MYH16: variants seen among roughly 807,000 people sequenced by gnomAD.
MYH16 encodes the protein myosin heavy chain 16.
At chr7:99,289,755 C>T (rs767023130) in intron 30 of MYH16, among the ~76,000 whole-genome samples, 60 of 152,116 alleles carry the variant, frequency 3.9e-4, no homozygotes, top group Non-Finnish European at 7.8e-4. Context: ...AATGAGGGAG[C>T]CAGAAAAATG....
chr7:99,310,909 C>T (rs1254459895), downstream of MYH16: 2 of 152,104 alleles, frequency 1.3e-5, no homozygotes, highest in African/African-American at 2.4e-5. Flanking sequence ...ATGTAAAACC[C>T]GCCATTAGAG....
At chr7:99,242,058 G>A (rs1205064260) in intron 1 of MYH16, among the ~76,000 whole-genome samples, 6 of 152,006 alleles carry the variant, frequency 3.9e-5, no homozygotes, top group East Asian at 1.9e-4. Flanking sequence ...ACAGGGTTTC[G>A]CCATTTTGGC....
rs139073715 is a variant in MYH16 at position 99,294,098 on chromosome 7, A to G, written n.4230A>G. Reference sequence around the variant, plus strand: ...GCCCGGGCCGCCTCCCTCGAGAAAAATAAGCAGAGACTCCAGGCAGAAGTT... The same window carrying G: ...GCCCGGGCCGCCTCCCTCGAGAAAAGTAAGCAGAGACTCCAGGCAGAAGTT... On this transcript the variant is annotated non_coding_transcript_exon_variant, in exon 33 of 42. Transcript: ENST00000439784. 534 of 456,324 alleles carry G rather than the reference A, an allele frequency of 1.2e-3. 5 individuals are homozygous for G. The highest frequency in any genetic ancestry group is 9.5e-3 in the African/African-American group (479 of 50,158). 28.3% of individuals were successfully genotyped at this position (456,324 alleles called of 1,614,324 possible).
At chr7:99,298,707 CACTTG>C (rs1792540604) in intron 36 of MYH16, among the ~76,000 whole-genome samples, 2 of 151,158 alleles carry the variant, frequency 1.3e-5, no homozygotes, top group East Asian at 1.9e-4. Flanking sequence ...ATATTTTGAA[CACTTG>C]ACTTATCAGA....
chr7:99,263,122 G>A (rs960676457), intron 13 of MYH16, among the ~76,000 whole-genome samples: 4 of 152,224 alleles, frequency 2.6e-5, no homozygotes, highest in African/African-American at 7.2e-5. Context: ...CAAGAAGGCA[G>A]ATGATGGAGC....
At chr7:99,283,275 A>G (rs2150822264) in intron 23 of MYH16, among the ~76,000 whole-genome samples, 1 of 152,214 alleles carries the variant, frequency 6.6e-6, no homozygotes, top group East Asian at 1.9e-4. Flanking sequence ...TTTTGTAGAG[A>G]CAGGGTCTGA....
chr7:99,270,466 C>T (rs559739464), intron 18 of MYH16, among the ~76,000 whole-genome samples: 7 of 151,724 alleles, frequency 4.6e-5, no homozygotes, highest in East Asian at 4.0e-4. Context: ...GGACTACAGG[C>T]GCCCGCCACC....
At chr7:99,298,752 A>G (rs1792541739) in intron 36 of MYH16, among the ~76,000 whole-genome samples, 1 of 144,264 alleles carries the variant, frequency 6.9e-6, no homozygotes, top group East Asian at 2.0e-4. Context: ...TTCCCATTCT[A>G]TGGTTGTCTT....
intron 13 of MYH16, among the ~76,000 whole-genome samples, chr7:99,262,700 C>A (rs1311923462): frequency 6.6e-6 from 1 of 152,146 alleles, no homozygotes; most frequent in Non-Finnish European, 1.5e-5. Context: ...CCATGGGGAC[C>A]ATGTGGCAAG....
chr7:99,309,326 G>A (rs914695647), downstream of MYH16, among the ~76,000 whole-genome samples: 2 of 152,182 alleles, frequency 1.3e-5, no homozygotes, highest in African/African-American at 4.8e-5. Flanking sequence ...TCCCTGCTCA[G>A]TTACGATTCG....
intron 22 of MYH16, 68 bp from the exon 5 acceptor site, chr7:99,280,807 AG>A (rs1237736960): frequency 4.5e-6 from 1 of 222,756 alleles, no homozygotes; most frequent in African/African-American, 2.4e-5. Context: ...AGGAGACTCA[AG>A]GGTGCACCCA....
intron 2 of MYH16, among the ~76,000 whole-genome samples, chr7:99,244,985 G>C (rs1791711390): frequency 6.6e-6 from 1 of 152,320 alleles, no homozygotes; most frequent in Middle Eastern, 3.4e-3. Context: ...CCTCAATAGA[G>C]CCACTAATGC....
At chr7:99,260,032 A>T in intron 11 of MYH16, 2 of 645,970 alleles carry the variant, frequency 3.1e-6, no homozygotes, top group Non-Finnish European at 5.2e-6. Context: ...AGTGTTAGGC[A>T]CTTAGGGCAG....
intron 1 of MYH16, chr7:99,243,275 C>G (rs1044371715): frequency 6.5e-6 from 1 of 152,908 alleles, no homozygotes; most frequent in Non-Finnish European, 1.5e-5. Context: ...TTGACCCCCC[C>G]AGACACTCAC....
At chr7:99,283,984 C>T (rs985595819) in exon 25 of MYH16, 5 of 455,000 alleles carry the variant, frequency 1.1e-5, no homozygotes, top group African/African-American at 1.0e-4. Context: ...TGAGATGGAG[C>T]GTTCCAAGCT....
intron 22 of MYH16, among the ~76,000 whole-genome samples, chr7:99,280,174 A>C (rs1792183062): frequency 6.6e-6 from 1 of 152,262 alleles, no homozygotes; most frequent in Admixed American, 6.5e-5. Context: ...TACCCAGCCC[A>C]CATGGGGCTA....
downstream of MYH16, among the ~76,000 whole-genome samples, chr7:99,308,614 G>A (rs1792715173): frequency 6.6e-6 from 1 of 152,144 alleles, no homozygotes; most frequent in Non-Finnish European, 1.5e-5. Context: ...TCTTAGAAGT[G>A]CCTATTCTTA....
At chr7:99,293,641 G>A (rs1324978212) in intron 32 of MYH16, among the ~76,000 whole-genome samples, 3 of 152,024 alleles carry the variant, frequency 2.0e-5, no homozygotes, top group African/African-American at 7.3e-5. Flanking sequence ...CTCCCACCTG[G>A]ACTGCCTGTC....
chr7:99,283,680 C>A, intron 24 of MYH16, 29 bp downstream of exon 6: 1 of 456,604 alleles, frequency 2.2e-6, no homozygotes, highest in South Asian at 1.5e-5. Context: ...GCCACCTCTA[C>A]AACTCCAAGG....
Sources: gnomAD v4.1 joint callset for allele counts (sites outside exome capture counted in the v4.1 genomes callset) on GRCh38, gnomAD v4.1.1 for gene constraint, MANE v1.5 for transcripts, NCBI Gene and HGNC (gene_info 2026-07-23, HGNC 2026-07-21) for gene names.